PCDHGA7: variants seen among roughly 807,000 people sequenced by gnomAD.
PCDHGA7 encodes the protein protocadherin gamma subfamily A, 7.
A neutral mutation model predicts 58.3 loss-of-function variants in PCDHGA7; 44 were observed. That is an observed-to-expected ratio of 0.75 (90% confidence interval 0.59 to 0.97). The LOEUF (loss-of-function observed/expected upper bound fraction) is 0.97, where lower values mean the gene tolerates loss of function less well. Among genes scored for constraint, PCDHGA7 ranks in the 50% least tolerant of loss-of-function variants. The pLI is 0.00. For synonymous variants in PCDHGA7, 516 were observed against 504.2 expected (o/e 1.02, Z -0.31); for missense variants, 1,266 against 1,188.7 (o/e 1.06, Z -0.96).
chr5:141,511,082 C>T lies in PCDHGA7; in HGVS notation c.2708C>T (p.Thr903Ile). Residue 903 changes from threonine to isoleucine, a missense_variant, in exon 4 of 4, where the codon ACA (threonine) becomes ATA (isoleucine). By Grantham distance (89) the Thr-to-Ile change is moderately conservative. Transcript: ENST00000518325. ...QNVYIPGSNA[T>I]LTNAAGKRDG... ...GTCTACATCCCAGGCAGCAATGCCA[C>T]ACTGACCAACGCAGCTGGCAAGCGG... 1 of 1,614,224 alleles carries T rather than the reference C, an allele frequency of 6.2e-7. No individual in the cohort carries two copies. Among genetic ancestry groups the T allele is most frequent in the Non-Finnish European group, 8.5e-7 (1 of 1,180,028 alleles).
At chr5:141,502,216 A>G (rs957759583) in intron 2 of PCDHGA7, among the ~76,000 whole-genome samples, 3 of 152,334 alleles carry the variant, frequency 2.0e-5, no homozygotes, top group Admixed American at 6.5e-5. Context: ...GCAGATTTTC[A>G]TAAATGTTCT....
intron 1 of PCDHGA7, chr5:141,418,494 T>TGATGGTGGG: frequency 6.2e-7 from 1 of 1,614,020 alleles, no homozygotes; most frequent in Non-Finnish European, 8.5e-7. Context: ...CACTTGGTAC[T>TGATGGTGGG]GACCGCCTTA....
At position 141,476,752 on chromosome 5, in the gene PCDHGA7, A is replaced by C. The variant is rs771355583; in HGVS notation, c.2425-18055A>C. The C allele has an allele frequency of 6.2e-7, 1 of 1,613,926 alleles. No homozygotes were observed. The highest frequency in any genetic ancestry group is 1.1e-5 in the South Asian group (1 of 91,080). Reference sequence around the variant, plus strand: ...GAGAACGGGAGCCTAGTCTCCAGTTAGTGCTGACGGCGTTGGACGGAGGGA... The same window carrying C: ...GAGAACGGGAGCCTAGTCTCCAGTTCGTGCTGACGGCGTTGGACGGAGGGA... On this transcript the variant is annotated intron_variant, in intron 1 of 3. Transcript: ENST00000518325. The surrounding 1 kb of genome is among the most constrained non-coding windows in gnomAD (Gnocchi z 7.6).
In PCDHGA7 at chr5:141,438,615, TATATATATATATATATATATACAC is replaced by T. The variant is rs1230398483; in HGVS notation, c.2424+53294_2424+53317del. ...ACATATATATATATATATATATATA[TATATATATATATATATATATACAC>T]ACACACACACACATATATGTATATA... is the stretch of plus-strand genomic sequence containing the variant. On this transcript the variant is annotated intron_variant, in intron 1 of 3. Transcript: ENST00000518325. Among the ~76,000 whole-genome samples the T allele has an allele frequency of 3.0e-3, 107 of 35,910 alleles. 2 individuals carry two copies. The highest frequency in any genetic ancestry group is 7.9e-3 in the African/African-American group (39 of 4,916). The allele number at this position is 35,910 out of a possible 152,430, so 23.6% of individuals were successfully genotyped here. A position where few individuals can be genotyped will look rare whatever the true frequency, so the allele number is the denominator to read the frequency against.
rs2099426122 is a variant in PCDHGA7 at position 141,477,960 on chromosome 5, A to C, written c.2425-16847A>C. On this transcript the variant is annotated intron_variant, in intron 1 of 3. Coordinates refer to ENST00000518325, the MANE Select transcript of PCDHGA7 (RefSeq NM_018920.4). This position sits in a 1 kb window ranked among gnomAD's most constrained non-coding sequence, Gnocchi z 4.9. ...TCCTACAGTCTCTTGGGATCCCCTAACCAGAGCCTTTTTGCCATAGGGCTG... is the reference window on the plus strand; with the variant it reads ...TCCTACAGTCTCTTGGGATCCCCTACCCAGAGCCTTTTTGCCATAGGGCTG... 1 of 1,613,952 alleles carries C rather than the reference A, an allele frequency of 6.2e-7. No individual in the cohort carries two copies. Among genetic ancestry groups the C allele is most frequent in the African/African-American group, 1.3e-5 (1 of 74,922 alleles).
rs768648952 is a variant in PCDHGA7 at position 141,477,230 on chromosome 5, G to C, written c.2425-17577G>C. 6.2e-7 allele frequency: 1 copy of C among 1,614,046 alleles called. No homozygotes were observed. Among genetic ancestry groups the C allele is most frequent in the East Asian group, 2.2e-5 (1 of 44,890 alleles). ...GGATGCCCCTCTGGGGACTGTCATC[G>C]CTTTGCTCAGTGTGACTGACCTGGA... On this transcript the variant is annotated intron_variant, in intron 1 of 3. Transcript: ENST00000518325. The surrounding 1 kb of genome is among the most constrained non-coding windows in gnomAD (Gnocchi z 4.9).
At chr5:141,395,345 A>G in intron 1 of PCDHGA7, 1 of 1,399,052 alleles carries the variant, frequency 7.1e-7, no homozygotes, top group South Asian at 1.5e-5. Flanking sequence ...TTTAAGGTGT[A>G]TCACAGAGTT....
chr5:141,419,662 T>C (rs767190243), intron 1 of PCDHGA7: 140 of 1,612,700 alleles, frequency 8.7e-5, no homozygotes, highest in South Asian at 2.2e-5. Flanking sequence ...CGGGGCACAA[T>C]GCCTGGCTGT....
chr5:141,483,711 A>G (rs1258383632), intron 1 of PCDHGA7, among the ~76,000 whole-genome samples: 2 of 152,122 alleles, frequency 1.3e-5, no homozygotes, highest in African/African-American at 2.4e-5. Context: ...TGACACCAGA[A>G]TATTGGTTCC....
intron 1 of PCDHGA7, chr5:141,398,612 T>C (rs756084003): frequency 2.5e-6 from 4 of 1,614,024 alleles, no homozygotes; most frequent in East Asian, 2.2e-5. Flanking sequence ...GATGCAGATA[T>C]TGGCTTAAAC....
At chr5:141,409,396 C>A in intron 1 of PCDHGA7, 1 of 1,614,004 alleles carries the variant, frequency 6.2e-7, no homozygotes, top group Non-Finnish European at 8.5e-7. Flanking sequence ...ATTCTTCTTC[C>A]AATAACTACT....
At chr5:141,388,201 T>C (rs780011607) in intron 1 of PCDHGA7, 1 of 1,573,864 alleles carries the variant, frequency 6.4e-7, no homozygotes, top group Non-Finnish European at 8.7e-7. Context: ...GCTCTGGAAT[T>C]TGAGGCTGTT....
intron 1 of PCDHGA7, among the ~76,000 whole-genome samples, chr5:141,483,525 A>G (rs1442825090): frequency 1.3e-5 from 2 of 152,126 alleles, no homozygotes; most frequent in African/African-American, 4.8e-5. Context: ...ATCCTGACTA[A>G]GGAAGCTGGG....
intron 1 of PCDHGA7, chr5:141,417,974 G>A: frequency 6.2e-7 from 1 of 1,613,856 alleles, no homozygotes. Flanking sequence ...CTCGATTCCG[G>A]AGGAGCTGGC....
chr5:141,423,234 C>A (rs1408925478), intron 1 of PCDHGA7: 1 of 1,613,800 alleles, frequency 6.2e-7, no homozygotes, highest in Non-Finnish European at 8.5e-7. Context: ...CCGACAGCAT[C>A]CCCGAAGTCC....
At chr5:141,500,326 A>T (rs1041431019) in intron 2 of PCDHGA7, among the ~76,000 whole-genome samples, 7 of 152,022 alleles carry the variant, frequency 4.6e-5, no homozygotes, top group Non-Finnish European at 1.0e-4. Context: ...CTCCTGCCTC[A>T]GCCTCCAGAA....
intron 1 of PCDHGA7, chr5:141,398,793 A>G (rs376843278): frequency 2.5e-5 from 41 of 1,613,830 alleles, no homozygotes; most frequent in South Asian, 1.1e-5. Flanking sequence ...ATCCACCCCT[A>G]AGCGGCACCA....
At chr5:141,462,314 A>C (rs1283684392) in intron 1 of PCDHGA7, among the ~76,000 whole-genome samples, 1 of 152,186 alleles carries the variant, frequency 6.6e-6, no homozygotes, top group Non-Finnish European at 1.5e-5. Flanking sequence ...TATATTTGTC[A>C]CTGATTTCTA....
intron 1 of PCDHGA7, chr5:141,407,952 G>A (rs1235192174): frequency 2.7e-5 from 17 of 633,328 alleles, no homozygotes; most frequent in Admixed American, 1.4e-4. Context: ...CTGTCGGCCA[G>A]TGCAGAGCAA....
Sources: allele counts gnomAD v4.1 joint callset (sites outside exome capture counted in the v4.1 genomes callset), GRCh38; gene constraint gnomAD v4.1.1; non-coding constraint Gnocchi (gnomAD v3.1); transcripts MANE v1.5; gene names NCBI Gene and HGNC (gene_info 2026-07-23, HGNC 2026-07-21).